Variants in GRID2 observed in about 807,000 individuals in gnomAD.
GRID2 encodes glutamate ionotropic receptor delta type subunit 2.
GRID2 carries 33 observed loss-of-function variants against 114.8 expected under a neutral mutation model. The observed-to-expected ratio is 0.29, with a 90% CI of 0.22 to 0.38. GRID2 has a LOEUF of 0.38. GRID2 is among the 10% of genes least tolerant of loss of function. The pLI, the probability that GRID2 is intolerant of heterozygous loss-of-function variation, is 1.00. For synonymous variants in GRID2, 505 were observed against 449.9 expected, an observed-to-expected ratio of 1.12 and a Z score of -1.55; for missense variants, 1,184 against 1,257.7, an observed-to-expected ratio of 0.94 and a Z score of 0.89.
intron 2 of GRID2, among the ~76,000 whole-genome samples, chr4:92,776,076 A>G (rs1175755388): frequency 1.3e-5 from 2 of 152,284 alleles, no homozygotes; most frequent in East Asian, 3.9e-4. Flanking sequence ...TCAGATTAAA[A>G]CTTTTATTCC....
At chr4:92,394,573 C>T (rs2110267216) in intron 1 of GRID2, among the ~76,000 whole-genome samples, 1 of 152,016 alleles carries the variant, frequency 6.6e-6, no homozygotes, top group South Asian at 2.1e-4. Context: ...AGTTGGGTCA[C>T]AGGCTGAAAA....
chr4:93,515,459 A>T, intron 13 of GRID2, 48 bp downstream of exon 13: 2 of 1,235,204 alleles, frequency 1.6e-6, no homozygotes, highest in South Asian at 2.7e-5. Flanking sequence ...TTTGTGTCCC[A>T]TGCTGGAATT....
rs529638777 is a variant in GRID2, at chr4:92,911,792, A to C, written c.245-173203A>C. 4.0e-5 allele frequency among the ~76,000 whole-genome samples: 6 copies of C among 151,566 alleles called. 1 individual carries two copies. In the East Asian group the frequency reaches 1.2e-3, roughly 29 times the overall value. ...AAATAAATGCCTTTTTTTTTTTTAC[A>C]AGAACAATTTTTTCCTAGTTGTTCA... On this transcript the variant is annotated intron_variant, in intron 2 of 15. Coordinates refer to ENST00000282020, the MANE Select transcript of GRID2 (RefSeq NM_001510.4).
intron 2 of GRID2, among the ~76,000 whole-genome samples, chr4:92,936,937 A>C (rs1018700127): frequency 4.8e-5 from 7 of 146,822 alleles, no homozygotes; most frequent in African/African-American, 1.5e-4. Context: ...ATGACTAATT[A>C]TGTTGAGCAT....
intron 2 of GRID2, among the ~76,000 whole-genome samples, chr4:92,628,578 G>T (rs1560498298): frequency 6.6e-6 from 1 of 152,166 alleles, no homozygotes; most frequent in African/African-American, 2.4e-5. Context: ...GGCTGGTCTC[G>T]AACTCCTGAG....
At chr4:93,086,959 T>A (rs1730375705) in intron 3 of GRID2, among the ~76,000 whole-genome samples, 2 of 152,290 alleles carry the variant, frequency 1.3e-5, no homozygotes, top group Admixed American at 6.5e-5. Flanking sequence ...ATAATAAATT[T>A]AAAAACAGTA....
intron 11 of GRID2, among the ~76,000 whole-genome samples, 162 bp from the exon 12 acceptor site, chr4:93,490,475 AAG>A (rs1168908741): frequency 6.6e-6 from 1 of 151,914 alleles, no homozygotes; most frequent in Non-Finnish European, 1.5e-5. Context: ...AATCTCATAA[AAG>A]AGAATTAAAT....
At chr4:93,364,640 C>A (rs922176589) in intron 8 of GRID2, among the ~76,000 whole-genome samples, 8 of 151,920 alleles carry the variant, frequency 5.3e-5, no homozygotes, top group Middle Eastern at 6.8e-3. Context: ...CCACATTTGA[C>A]TAATTTTTAT....
chr4:93,756,269 G>A (rs1484278371), intron 14 of GRID2, among the ~76,000 whole-genome samples: 2 of 152,172 alleles, frequency 1.3e-5, no homozygotes, highest in African/African-American at 4.8e-5. Flanking sequence ...TTGGAAAAGT[G>A]CTAAAAGGGA....
At chr4:92,991,538 C>G (rs1023525177) in intron 2 of GRID2, among the ~76,000 whole-genome samples, 9 of 152,094 alleles carry the variant, frequency 5.9e-5, no homozygotes, top group Non-Finnish European at 8.8e-5. Context: ...GAATGTGAAT[C>G]GAATGTCTCA....
At chr4:93,035,388 G>A (rs1442474459) in intron 2 of GRID2, among the ~76,000 whole-genome samples, 1 of 152,110 alleles carries the variant, frequency 6.6e-6, no homozygotes, top group Non-Finnish European at 1.5e-5. Context: ...TGCTGGGATT[G>A]CAGGTGTGAT....
chr4:92,897,698 A>G (rs1747274631), intron 2 of GRID2, among the ~76,000 whole-genome samples: 1 of 152,204 alleles, frequency 6.6e-6, no homozygotes. Flanking sequence ...GTATTACTTT[A>G]TAAGTTTGGA....
intron 8 of GRID2, among the ~76,000 whole-genome samples, chr4:93,354,802 A>T (rs1449569589): frequency 9.4e-6 from 1 of 106,348 alleles, no homozygotes; most frequent in African/African-American, 4.1e-5. Flanking sequence ...TTATATATAT[A>T]TTTTATAAAT....
intron 14 of GRID2, among the ~76,000 whole-genome samples, chr4:93,710,541 G>T (rs1369629377): frequency 2.0e-5 from 3 of 152,220 alleles, no homozygotes; most frequent in African/African-American, 7.2e-5. Flanking sequence ...AGCCAGCATA[G>T]TACTGGGTCT....
chr4:92,962,479 C>A (rs2149157618), intron 2 of GRID2, among the ~76,000 whole-genome samples: 1 of 151,996 alleles, frequency 6.6e-6, no homozygotes, highest in Non-Finnish European at 1.5e-5. Context: ...TTCCTTCTCC[C>A]AGTTGGAAGG....
intron 2 of GRID2, among the ~76,000 whole-genome samples, chr4:92,721,385 TG>T (rs1204870778): frequency 6.6e-6 from 1 of 152,140 alleles, no homozygotes. Flanking sequence ...AAATCATTGG[TG>T]GTATTAACTA....
chr4:92,621,682 A>T (rs1452497546), intron 2 of GRID2, among the ~76,000 whole-genome samples: 1 of 151,770 alleles, frequency 6.6e-6, no homozygotes, highest in African/African-American at 2.4e-5. Flanking sequence ...TAAATTCCAG[A>T]GATAAGGAAC....
chr4:93,713,366 T>G (rs915924438), intron 14 of GRID2, among the ~76,000 whole-genome samples: 3 of 151,508 alleles, frequency 2.0e-5, no homozygotes, highest in Non-Finnish European at 4.4e-5. Flanking sequence ...TTTCTGCCTT[T>G]TAAAAAAATA....
chr4:93,220,437 A>G (rs1454494054), intron 6 of GRID2, among the ~76,000 whole-genome samples: 1 of 152,154 alleles, frequency 6.6e-6, no homozygotes, highest in South Asian at 2.1e-4. Context: ...CTGGCCTCAG[A>G]CAGAAAGCAA....
Sources: allele counts gnomAD v4.1 joint callset (sites outside exome capture counted in the v4.1 genomes callset), GRCh38; gene constraint gnomAD v4.1.1; transcripts MANE v1.5; gene names NCBI Gene and HGNC (gene_info 2026-07-23, HGNC 2026-07-21).